Variants in NXPE2 observed in about 807,000 individuals in gnomAD.
NXPE2 encodes the protein neurexophilin and PC-esterase domain family member 2.
A neutral mutation model predicts 34.4 loss-of-function variants in NXPE2; 34 were observed. That is an observed-to-expected ratio of 0.99 (90% CI 0.75 to 1.31). The LOEUF (loss-of-function observed/expected upper bound fraction) is 1.31. NXPE2 is among the 40% of genes most tolerant of loss of function. The pLI is 0.00. For synonymous variants in NXPE2, 235 were observed against 231.3 expected (o/e 1.02, Z -0.15); for missense variants, 649 against 672.5 (o/e 0.97, Z 0.39).
At chr11:114,523,607 C>T in the NXPE2 span, among the ~76,000 whole-genome samples, 3 of 152,280 alleles carry the variant, frequency 2.0e-5, no homozygotes, top group South Asian at 6.2e-4. Context: ...TAAAACCAGA[C>T]TTTGCTAAAA....
chr11:114,503,186 A>G, the NXPE2 span, among the ~76,000 whole-genome samples: 1 of 151,966 alleles, frequency 6.6e-6, no homozygotes, highest in African/African-American at 2.4e-5. Context: ...TTGCCACCTT[A>G]TCACTGCACA....
the NXPE2 span, among the ~76,000 whole-genome samples, chr11:114,748,540 G>A: frequency 6.6e-6 from 1 of 152,126 alleles, no homozygotes; most frequent in African/African-American, 2.4e-5. Context: ...TCATTAGCTT[G>A]ACACTTTTGA....
At chr11:114,512,609 G>A in the NXPE2 span, 1 of 152,634 alleles carries the variant, frequency 6.6e-6, no homozygotes, top group African/African-American at 2.4e-5. Flanking sequence ...TGTGGCCTTC[G>A]GGAGAACAAG....
the NXPE2 span, among the ~76,000 whole-genome samples, chr11:114,665,032 C>A: frequency 2.0e-5 from 3 of 152,244 alleles, no homozygotes; most frequent in South Asian, 6.2e-4. Context: ...TGGAACATAA[C>A]CCCATGTAAG....
the NXPE2 span, among the ~76,000 whole-genome samples, chr11:114,634,779 T>C: frequency 3.9e-5 from 6 of 152,052 alleles, no homozygotes; most frequent in East Asian, 7.7e-4. Context: ...GTTGTAGATA[T>C]GTGGCATTAT....
the NXPE2 span, among the ~76,000 whole-genome samples, chr11:114,637,870 G>A: frequency 6.6e-6 from 1 of 151,950 alleles, no homozygotes; most frequent in Non-Finnish European, 1.5e-5. Context: ...AGGGTAACCC[G>A]ACCTTTCTCT....
At chr11:114,726,438 C>T in the NXPE2 span, among the ~76,000 whole-genome samples, 1 of 151,988 alleles carries the variant, frequency 6.6e-6, no homozygotes, top group African/African-American at 2.4e-5. Context: ...TCTCAAACTC[C>T]TGGTCTCATG....
At chr11:114,597,612 T>G in the NXPE2 span, among the ~76,000 whole-genome samples, 2 of 152,098 alleles carry the variant, frequency 1.3e-5, no homozygotes, top group African/African-American at 2.4e-5. Context: ...TGCCTAGACC[T>G]TGGTTTCTTA....
At chr11:114,522,095 A>G in the NXPE2 span, 1 of 1,614,042 alleles carries the variant, frequency 6.2e-7, no homozygotes, top group African/African-American at 1.3e-5. Context: ...GAGGTCTTTG[A>G]AAATATCCTT....
the NXPE2 span, chr11:114,526,708 A>T: frequency 6.6e-6 from 1 of 152,218 alleles, no homozygotes; most frequent in Non-Finnish European, 1.5e-5. Context: ...GACGGGAATT[A>T]TCAGGTAAAA....
chr11:114,601,168 T>TGGA, the NXPE2 span, among the ~76,000 whole-genome samples: 28 of 151,874 alleles, frequency 1.8e-4, 1 homozygote, highest in South Asian at 5.8e-3. Context: ...TGGTGAACTC[T>TGGA]GGAGTTTTAG....
At chr11:114,506,891 A>G in the NXPE2 span, among the ~76,000 whole-genome samples, 1 of 152,198 alleles carries the variant, frequency 6.6e-6, no homozygotes, top group African/African-American at 2.4e-5. Context: ...TCAGAGCTGA[A>G]CTGAAGGAGA....
chr11:114,579,768 C>A, the NXPE2 span, among the ~76,000 whole-genome samples: 1,395 of 152,228 alleles, frequency 9.2e-3, 36 homozygotes, highest in East Asian at 0.03. Context: ...AGGTTTTGAA[C>A]CCAGGTTGTC....
the NXPE2 span, among the ~76,000 whole-genome samples, chr11:114,754,114 G>C: frequency 6.6e-5 from 10 of 152,254 alleles, no homozygotes; most frequent in Middle Eastern, 3.4e-3. Context: ...AATATTTGCC[G>C]AATAGAGAAA....
At chr11:114,779,801 G>A in the NXPE2 span, among the ~76,000 whole-genome samples, 8 of 152,058 alleles carry the variant, frequency 5.3e-5, no homozygotes, top group African/African-American at 1.4e-4. Flanking sequence ...CTTTTCACAC[G>A]CCGGTGATTC....
chr11:114,721,077 T>C, the NXPE2 span, among the ~76,000 whole-genome samples: 1 of 152,118 alleles, frequency 6.6e-6, no homozygotes, highest in Admixed American at 6.5e-5. Context: ...ACATACACCT[T>C]TTCCTTTCCC....
At chr11:114,633,007 AT>A in the NXPE2 span, among the ~76,000 whole-genome samples, 5 of 106,184 alleles carry the variant, frequency 4.7e-5, no homozygotes, top group Non-Finnish European at 8.4e-5. Flanking sequence ...ATAATAATAT[AT>A]ATTATATAAT....
chr11:114,489,666 G>A, the NXPE2 span, among the ~76,000 whole-genome samples: 1 of 152,220 alleles, frequency 6.6e-6, no homozygotes, highest in Non-Finnish European at 1.5e-5. Flanking sequence ...AACGCTTCAT[G>A]CTAGAAACTC....
chr11:114,530,945 A>C, the NXPE2 span: 2 of 1,530,468 alleles, frequency 1.3e-6, no homozygotes, highest in Non-Finnish European at 1.7e-6. Context: ...TATGAAATTA[A>C]CCTGTCTAAT....
Sources: gnomAD v4.1 joint callset for allele counts (sites outside exome capture counted in the v4.1 genomes callset) on GRCh38, gnomAD v4.1.1 for gene constraint, MANE v1.5 for transcripts, NCBI Gene and HGNC (gene_info 2026-07-23, HGNC 2026-07-21) for gene names.